UNC13A: variants seen among roughly 807,000 people sequenced by gnomAD.
The protein encoded by UNC13A is unc-13 homolog A.
UNC13A carries 61 observed loss-of-function variants against 219.7 expected under a neutral mutation model. The observed-to-expected ratio is 0.28, with a 90% CI of 0.23 to 0.34. The LOEUF is 0.34. UNC13A is among the 10% of genes least tolerant of loss of function. UNC13A has a pLI of 1.00. For missense variants in UNC13A, 1,476 were observed against 2,270.3 expected, an observed-to-expected ratio of 0.65 and a Z score of 7.11; for synonymous variants, 920 against 884.6, an observed-to-expected ratio of 1.04 and a Z score of -0.71.
At chr19:17,628,137 G>C in intron 31 of UNC13A, 197 bp from the exon 32 acceptor site, 1 of 590,682 alleles carries the variant, frequency 1.7e-6, no homozygotes, top group South Asian at 2.0e-5. Flanking sequence ...CATCTCTGGG[G>C]ACTGGTGGGG....
At position 17,618,435 on chromosome 19, in the gene UNC13A, G is replaced by C; in HGVS notation, c.4396C>G (p.Leu1466Val). 2.5e-6 allele frequency: 4 copies of C among 1,583,140 alleles called. No individual in the cohort carries two copies. Among genetic ancestry groups the C allele is most frequent in the Non-Finnish European group, 3.4e-6 (4 of 1,164,454 alleles). The change falls in exon 40 of 44, where the codon CTG (leucine) becomes GTG (valine). Residue 1466 changes from leucine (L) to valine (V), a missense_variant. Coordinates refer to ENST00000519716, the MANE Select transcript of UNC13A (RefSeq NM_001080421.3). ...GGGCCTCTCACCTTGATGGTGTCCA[G>C]GGCCAACTCAACAACCGCGCACTGC... ...PKQCAVVELA[L>V]DTIKQYFHAG...
At chr19:17,686,721 C>T (rs1383172407) in intron 1 of UNC13A, among the ~76,000 whole-genome samples, 3 of 152,048 alleles carry the variant, frequency 2.0e-5, no homozygotes, top group African/African-American at 7.2e-5. Context: ...TTAAGAACAC[C>T]CGCGTCCACG....
intron 8 of UNC13A, among the ~76,000 whole-genome samples, chr19:17,661,184 C>G (rs1260237193): frequency 2.6e-5 from 4 of 151,714 alleles, no homozygotes; most frequent in African/African-American, 4.8e-5. Flanking sequence ...AGCGTCCCTC[C>G]CGCCTCAGCC....
At position 17,674,600 on chromosome 19, in the gene UNC13A, C is replaced by T; in HGVS notation, c.152+57G>A. The T allele has an allele frequency of 1.3e-6, 2 of 1,522,752 alleles. No individual in the cohort carries two copies. The highest frequency in any genetic ancestry group is 1.8e-6 in the Non-Finnish European group (2 of 1,101,602). 94.3% of individuals were successfully genotyped at this position (1,522,752 alleles called of 1,614,324 possible). A position where few individuals can be genotyped will look rare whatever the true frequency, so the allele number is the denominator to read the frequency against. The stretch of plus-strand genomic sequence containing the variant: ...AGTGTCCAGCTCTGCCCTGAGGGGC[C>T]AGCGAGGTGCTGGGCTATGCCAGGG... On this transcript the variant is annotated intron_variant, in intron 3 of 43. Coordinates refer to ENST00000519716, the MANE Select transcript of UNC13A (RefSeq NM_001080421.3). This position sits in a 1 kb window ranked among gnomAD's most constrained non-coding sequence, Gnocchi z 5.0.
chr19:17,669,489 A>G, intron 5 of UNC13A, 64 bp downstream of exon 5: 1 of 1,582,232 alleles, frequency 6.3e-7, no homozygotes, highest in Admixed American at 1.7e-5. Context: ...ACTCTCCTGG[A>G]ATAGCTGAGT....
intron 4 of UNC13A, 57 bp downstream of exon 4, chr19:17,672,321 C>T: frequency 7.1e-7 from 1 of 1,402,726 alleles, no homozygotes; most frequent in Admixed American, 1.8e-5. Flanking sequence ...GTCCACTGGT[C>T]TCTGGGCTTC....
chr19:17,652,821 C>T (rs1414383659), intron 11 of UNC13A, 144 bp from the exon 12 acceptor site: 17 of 834,902 alleles, frequency 2.0e-5, no homozygotes, highest in South Asian at 7.9e-5. Flanking sequence ...TAGGAAGCTC[C>T]GTGGCTATCT....
chr19:17,679,643 A>T (rs2145924718), intron 1 of UNC13A, among the ~76,000 whole-genome samples: 1 of 151,976 alleles, frequency 6.6e-6, no homozygotes, highest in Admixed American at 6.6e-5. Context: ...TAAACCATGG[A>T]TTTAGGCTCA....
chr19:17,678,393 C>T (rs1027394371), intron 1 of UNC13A, among the ~76,000 whole-genome samples: 1 of 152,088 alleles, frequency 6.6e-6, no homozygotes. Context: ...GCAGGAGAAT[C>T]CCTTTAACCT....
rs2076478400 is a variant in UNC13A at position 17,602,700 on chromosome 19, T to C, written c.*3354A>G. 6.6e-6 allele frequency: 1 copy of C among 152,392 alleles called. No individual in the cohort carries two copies. Among genetic ancestry groups the C allele is most frequent in the Non-Finnish European group, 1.5e-5 (1 of 68,154 alleles). The allele number at this position is 152,392 out of a possible 1,614,324, so 9.4% of individuals were successfully genotyped here. A position where few individuals can be genotyped will look rare whatever the true frequency, so the allele number is the denominator to read the frequency against. ...CTTTTCTCTGTCCGTGTCTCAGCCA[T>C]GTCCACTCTCTGTCCCATGTGTCAG... On this transcript the variant is annotated 3_prime_UTR_variant, in exon 44 of 44. Transcript: ENST00000519716.
chr19:17,669,467 C>G, intron 5 of UNC13A, 86 bp downstream of exon 5: 1 of 1,543,044 alleles, frequency 6.5e-7, no homozygotes, highest in Non-Finnish European at 8.8e-7. Flanking sequence ...CTAGACCTAC[C>G]CAGGCCTGTT....
In UNC13A at chr19:17,671,716, G is replaced by A. The variant is rs892672797; in HGVS notation, c.270+662C>T. Among the ~76,000 whole-genome samples, 50 of 152,296 alleles carry A rather than the reference G, an allele frequency of 3.3e-4. 1 individual carries two copies. Among genetic ancestry groups the A allele is most frequent in the Non-Finnish European group, 2.1e-4 (14 of 68,022 alleles). ...TTGAGCCTGGGAAGTCGAGGCTGCA[G>A]TGGGCCATGATCATGCCAATGCACT... On this transcript the variant is annotated intron_variant, in intron 4 of 43. Transcript: ENST00000519716.
At chr19:17,663,319 C>T in intron 8 of UNC13A, among the ~76,000 whole-genome samples, 1 of 113,238 alleles carries the variant, frequency 8.8e-6, no homozygotes, top group Admixed American at 1.1e-4. Context: ...AATGACGGTG[C>T]CCACTCCCCA....
intron 5 of UNC13A, among the ~76,000 whole-genome samples, 196 bp downstream of exon 5, chr19:17,669,357 A>G (rs754485514): frequency 1.3e-5 from 2 of 152,174 alleles, no homozygotes; most frequent in Non-Finnish European, 2.9e-5. Context: ...GGCCCAGGTC[A>G]TGGCCCGCAC....
Position 17,621,859 on chromosome 19 carries a change from C to G in UNC13A, c.4215G>C (p.Leu1405Phe), listed in dbSNP as rs1568505908. Residue 1405 changes from leucine to phenylalanine, a missense_variant, in exon 37 of 44, where the codon TTG becomes TTC. Physicochemically the swap from Leu to Phe is conservative, Grantham distance 22. This residue lies in a region of UNC13A where 75 missense variants were observed against 100.2 expected (regional missense o/e 0.75). Coordinates refer to ENST00000519716, the MANE Select transcript of UNC13A (RefSeq NM_001080421.3). ...TTTCTAATCCCTTGCCATGTTTTCTCAAGAGGTTCCCCTGCAGAGATAATG... is the reference window on the plus strand; with the variant it reads ...TTTCTAATCCCTTGCCATGTTTTCTGAAGAGGTTCCCCTGCAGAGATAATG... ...LTDQTMIGNL[L>F]RKHGKGLEKG... 6.2e-7 allele frequency: 1 copy of G among 1,613,930 alleles called. No homozygotes were observed. The highest frequency in any genetic ancestry group is 1.7e-5 in the Admixed American group (1 of 60,014).
chr19:17,672,910 C>A (rs8108328), intron 3 of UNC13A, among the ~76,000 whole-genome samples: 1 of 152,056 alleles, frequency 6.6e-6, no homozygotes, highest in Admixed American at 6.6e-5. Flanking sequence ...CAGTGTCATC[C>A]CCATCTAATG....
chr19:17,641,664 T>C (rs2076971642), intron 20 of UNC13A, 108 bp from the exon 21 acceptor site: 1 of 1,138,706 alleles, frequency 8.8e-7, no homozygotes, highest in East Asian at 2.5e-5. Flanking sequence ...GTTTATTCAT[T>C]AATTCATTCA....
intron 1 of UNC13A, among the ~76,000 whole-genome samples, chr19:17,676,610 C>A (rs2079903569): frequency 6.6e-6 from 1 of 152,222 alleles, no homozygotes; most frequent in Non-Finnish European, 1.5e-5. Flanking sequence ...AAGACCTCTC[C>A]CTTGATTGTC....
rs749186306 is a variant in UNC13A at position 17,617,864 on chromosome 19, G to A, written c.4411-15C>T. Reference sequence around the variant, plus strand: ...TGGAAATATTGCTGGGGAGGACAGGGTGGGGAGAGGTGAGGATGGTGGGAA... The same window carrying A: ...TGGAAATATTGCTGGGGAGGACAGGATGGGGAGAGGTGAGGATGGTGGGAA... On this transcript the variant is annotated splice_polypyrimidine_tract_variant and intron_variant, in intron 40 of 43. Coordinates refer to ENST00000519716, the MANE Select transcript of UNC13A (RefSeq NM_001080421.3). 3.1e-6 allele frequency: 5 copies of A among 1,613,356 alleles called. No individual in the cohort carries two copies. In the African/African-American group the frequency reaches 5.3e-5, roughly 17 times the overall value.
Sources: gnomAD v4.1 joint callset for allele counts (sites outside exome capture counted in the v4.1 genomes callset) on GRCh38, gnomAD v4.1.1 for gene constraint, gnomAD v4.1.1 regional missense constraint, Gnocchi (gnomAD v3.1) non-coding constraint, MANE v1.5 for transcripts, NCBI Gene and HGNC (gene_info 2026-07-23, HGNC 2026-07-21) for gene names.